The following SLC25A26 variants were observed in gnomAD, a reference collection of about 807,000 sequenced individuals.
The protein encoded by SLC25A26 is solute carrier family 25 member 26, also known as mitochondrial S-adenosylmethionine carrier protein.
Under a neutral mutation model 37.8 loss-of-function variants are expected in SLC25A26, and 36 were observed. The observed-to-expected ratio is 0.95, with a 90% CI of 0.73 to 1.26. SLC25A26 has a LOEUF of 1.26. Ranked by LOEUF, SLC25A26 falls within the 50% of genes most tolerant of loss-of-function variation. SLC25A26 has a pLI of 0.00. For missense variants in SLC25A26, 390 were observed against 331.1 expected, an observed-to-expected ratio of 1.18 and a Z score of -1.38; for synonymous variants, 129 against 122.5, an observed-to-expected ratio of 1.05 and a Z score of -0.35.
At chr3:66,139,553 G>T (rs184256127) in intron 1 of SLC25A26, among the ~76,000 whole-genome samples, 4 of 152,276 alleles carry the variant, frequency 2.6e-5, no homozygotes, top group African/African-American at 4.8e-5. Flanking sequence ...AGAGCTCCTA[G>T]CCTACAAAAC....
chr3:66,173,149 A>T (rs1296113580), intron 1 of SLC25A26, among the ~76,000 whole-genome samples: 1 of 152,132 alleles, frequency 6.6e-6, no homozygotes, highest in Non-Finnish European at 1.5e-5. Flanking sequence ...GGAAAGATGC[A>T]TTTTTTGTCC....
At chr3:66,177,623 T>C (rs2070610996) in intron 1 of SLC25A26, among the ~76,000 whole-genome samples, 1 of 152,230 alleles carries the variant, frequency 6.6e-6, no homozygotes, top group Non-Finnish European at 1.5e-5. Context: ...ACCCATCGTC[T>C]GTCCTGTGAC....
At chr3:66,186,524 C>T (rs920335292) in intron 1 of SLC25A26, among the ~76,000 whole-genome samples, 10 of 151,968 alleles carry the variant, frequency 6.6e-5, no homozygotes, top group Admixed American at 3.3e-4. Flanking sequence ...CCTTACCTGA[C>T]CCTAACCTTT....
At chr3:66,375,893 T>A (rs1168612403) in intron 9 of SLC25A26, among the ~76,000 whole-genome samples, 1 of 151,726 alleles carries the variant, frequency 6.6e-6, no homozygotes. Flanking sequence ...CTTTGCTAGA[T>A]GTGGGCAAAG....
intron 5 of SLC25A26, among the ~76,000 whole-genome samples, chr3:66,306,145 C>A (rs1452897072): frequency 6.6e-6 from 1 of 152,134 alleles, no homozygotes; most frequent in Admixed American, 6.5e-5. Flanking sequence ...CCACCATGCC[C>A]AGCTAATTTT....
chr3:66,339,497 A>ATGTTG (rs1169385807), intron 5 of SLC25A26, among the ~76,000 whole-genome samples: 2 of 152,004 alleles, frequency 1.3e-5, no homozygotes, highest in African/African-American at 4.8e-5. Flanking sequence ...GTTCACCAAC[A>ATGTTG]GTGAACAAGG....
chr3:66,369,468 ATTTGT>A lies in SLC25A26; in HGVS notation c.569-9_569-5del. ...GGATCTCACTTGGGTGTTGGGTATT[ATTTGT>A]ACAGGTGGATTTGCCGCTGCAGTCA... On this transcript the variant is annotated splice_region_variant and splice_polypyrimidine_tract_variant and intron_variant, in intron 7 of 9. Coordinates refer to ENST00000354883, the MANE Select transcript of SLC25A26 (RefSeq NM_001379210.1). 1 of 1,599,190 alleles carries A rather than the reference ATTTGT, an allele frequency of 6.3e-7. No homozygotes were observed. Among genetic ancestry groups the A allele is most frequent in the Non-Finnish European group, 8.5e-7 (1 of 1,172,704 alleles).
chr3:66,306,664 A>G (rs1217738379), intron 5 of SLC25A26, among the ~76,000 whole-genome samples: 1 of 151,862 alleles, frequency 6.6e-6, no homozygotes, highest in African/African-American at 2.4e-5. Context: ...CCTTGCCCCC[A>G]GCCCCCAACA....
chr3:66,149,521 A>G, intron 1 of SLC25A26, among the ~76,000 whole-genome samples: 1 of 152,214 alleles, frequency 6.6e-6, no homozygotes, highest in East Asian at 1.9e-4. Flanking sequence ...AGAACCTCCC[A>G]TGTGGAGGCT....
chr3:66,146,476 G>T (rs760302866), intron 1 of SLC25A26, among the ~76,000 whole-genome samples: 2 of 147,394 alleles, frequency 1.4e-5, no homozygotes, highest in Non-Finnish European at 3.0e-5. Flanking sequence ...ATCACATCTA[G>T]GTGGTAAGAT....
chr3:66,265,919 G>C (rs1383343269), intron 5 of SLC25A26, among the ~76,000 whole-genome samples: 1 of 152,160 alleles, frequency 6.6e-6, no homozygotes, highest in Non-Finnish European at 1.5e-5. Flanking sequence ...TTATTTTTCT[G>C]AGAGATGCTG....
At chr3:66,173,383 C>T (rs142415864) in intron 1 of SLC25A26, among the ~76,000 whole-genome samples, 3,065 of 152,206 alleles carry the variant, frequency 0.02, 109 homozygotes, top group African/African-American at 0.069. Context: ...GTACTGGTAC[C>T]AGCAGAGGCC....
chr3:66,356,247 C>T (rs141526111), intron 6 of SLC25A26, among the ~76,000 whole-genome samples: 6 of 152,324 alleles, frequency 3.9e-5, no homozygotes, highest in Admixed American at 6.5e-5. Context: ...CTCCCAGCCA[C>T]TTCATAGTAT....
rs1377214251 is a variant in SLC25A26 at position 66,221,004 on chromosome 3, C to T, written c.-91C>T. The T allele has an allele frequency of 7.2e-7, 1 of 1,380,460 alleles. No individual in the cohort carries two copies. Among genetic ancestry groups the T allele is most frequent in the African/African-American group, 1.4e-5 (1 of 69,728 alleles). The allele number at this position is 1,380,460 out of a possible 1,614,324, so 85.5% of individuals were successfully genotyped here. A position where few individuals can be genotyped will look rare whatever the true frequency, so the allele number is the denominator to read the frequency against. ...CGTGGTCCCGGAAGTTCAAGACAGA[C>T]CCGCCTCAAACATGGCGGCGCCCAG... is the stretch of plus-strand genomic sequence containing the variant. On this transcript the variant is annotated 5_prime_UTR_variant, in exon 1 of 10. Coordinates refer to ENST00000354883, the MANE Select transcript of SLC25A26 (RefSeq NM_001379210.1).
At chr3:66,250,022 A>G (rs956240910) in intron 3 of SLC25A26, among the ~76,000 whole-genome samples, 16 of 152,224 alleles carry the variant, frequency 1.1e-4, no homozygotes, top group African/African-American at 3.9e-4. Flanking sequence ...GTCTTCCTTC[A>G]GGGCATTAAA....
chr3:66,220,098 G>T (rs546776954), upstream of SLC25A26, among the ~76,000 whole-genome samples: 1 of 152,308 alleles, frequency 6.6e-6, no homozygotes, highest in Admixed American at 6.5e-5. Flanking sequence ...TTATTATAAC[G>T]GTTTTGAGGA....
rs13874 is a variant in SLC25A26 at position 66,369,532 on chromosome 3, C to T, written c.623C>T (p.Thr208Met). The change falls in exon 8 of 10, where the codon ACG (threonine) becomes ATG (methionine). Residue 208 changes from threonine (T) to methionine (M), a missense_variant. Coordinates refer to ENST00000354883, the MANE Select transcript of SLC25A26 (RefSeq NM_001379210.1). ...CTAGACGTGGCAAAGACAAGAATTA[C>T]GCTGGCAAAGGTAAGTGGTGAAATA... ...TPLDVAKTRITLAKAGSSTAD... is the reference protein window; with the variant it reads ...TPLDVAKTRIMLAKAGSSTAD... 769,997 of 1,589,900 alleles carry T rather than the reference C, an allele frequency of 0.48. 195,772 individuals carry two copies. Among genetic ancestry groups the T allele is most frequent in the African/African-American group, 0.79 (58,963 of 74,740 alleles).
intron 1 of SLC25A26, among the ~76,000 whole-genome samples, chr3:66,147,414 C>T: frequency 6.6e-6 from 1 of 151,940 alleles, no homozygotes; most frequent in African/African-American, 2.4e-5. Context: ...CCACTCACCT[C>T]AGCCTCCCAA....
intron 3 of SLC25A26, among the ~76,000 whole-genome samples, chr3:66,254,698 G>GA (rs2073232465): frequency 6.6e-6 from 1 of 152,254 alleles, no homozygotes; most frequent in Admixed American, 6.5e-5. Flanking sequence ...CATGCTTCCT[G>GA]AGCTAAGTAG....
Sources: allele counts gnomAD v4.1 joint callset (sites outside exome capture counted in the v4.1 genomes callset), GRCh38; gene constraint gnomAD v4.1.1; transcripts MANE v1.5; gene names NCBI Gene and HGNC (gene_info 2026-07-23, HGNC 2026-07-21).